FOSL1: variants seen among roughly 807,000 people sequenced by gnomAD.
FOSL1 encodes FOS like 1, AP-1 transcription factor subunit, also known as fos-related antigen 1.
A neutral mutation model predicts 24.9 loss-of-function variants in FOSL1; 14 were observed. The observed-to-expected ratio is 0.56, with a 90% CI of 0.37 to 0.88. The LOEUF is 0.88. FOSL1 is among the 40% of genes least tolerant of loss of function. FOSL1 has a pLI of 0.00. For missense variants in FOSL1, 318 were observed against 359.8 expected (o/e 0.88, Z 0.94); for synonymous variants, 133 against 145.1 (o/e 0.92, Z 0.60).
chr11:65,894,087 CT>C lies in FOSL1; in HGVS notation c.331del (p.Arg111GlyfsTer19). 1 of 1,610,250 alleles carries C rather than the reference CT, an allele frequency of 6.2e-7. No homozygotes were observed. The highest frequency in any genetic ancestry group is 8.5e-7 in the Non-Finnish European group (1 of 1,179,628). On this transcript the variant is annotated frameshift_variant, in exon 3 of 4. Transcript: ENST00000312562. LOFTEE classifies it high-confidence loss of function. ...CGCAGCCAGCTTGTTCCGCTCGCGCCTTACTCGGCGGCGCTCCTCTTCCTCC... is the reference window on the plus strand; with the variant it reads ...CGCAGCCAGCTTGTTCCGCTCGCGCCTACTCGGCGGCGCTCCTCTTCCTCC... Reference protein sequence around the residue: ...SPEEEERRRVRRERNKLAAAK... With the variant: ...SPEEEERRRVXRERNKLAAAK...
In FOSL1 at chr11:65,893,033, T is replaced by C. The variant is rs961887472; in HGVS notation, c.669A>G (p.Thr223=). ...EALHTPTLMT[T]PSLTPFTPSL... ...TGGGGGTGAAAGGAGTTAGGGAGGG[T>C]GTGGTCATGAGTGTGGGGGTGTGCA... The change falls in exon 4 of 4, where the codon ACA becomes ACG. Residue 223 remains threonine (T), a synonymous_variant. Coordinates refer to ENST00000312562, the MANE Select transcript of FOSL1 (RefSeq NM_005438.5). 2.5e-5 allele frequency: 40 copies of C among 1,609,758 alleles called. No homozygotes were observed. Among genetic ancestry groups the C allele is most frequent in the Non-Finnish European group, 3.1e-5 (36 of 1,178,844 alleles).
At chr11:65,900,014 G>C (rs1860632125) in intron 1 of FOSL1, among the ~76,000 whole-genome samples, 1 of 152,244 alleles carries the variant, frequency 6.6e-6, no homozygotes, top group Non-Finnish European at 1.5e-5. Context: ...GGACGCGGAC[G>C]GCGAGGGAGA....
intron 1 of FOSL1, among the ~76,000 whole-genome samples, chr11:65,899,198 G>A (rs1860607361): frequency 6.6e-6 from 1 of 152,164 alleles, no homozygotes; most frequent in Non-Finnish European, 1.5e-5. Context: ...CTGGGCCCTG[G>A]GTGTGGGCGC....
rs1860422244 is a variant in FOSL1 at position 65,892,863 on chromosome 11, G to A, written c.*23C>T. 1.2e-6 allele frequency: 2 copies of A among 1,605,542 alleles called. No individual in the cohort carries two copies. Among genetic ancestry groups the A allele is most frequent in the African/African-American group, 2.7e-5 (2 of 74,802 alleles). ...GGAGACATTGGCTAGGGTGGCATCT[G>A]CAGGGAGTAGGGCTCAGGCGCCTCA... On this transcript the variant is annotated 3_prime_UTR_variant, in exon 4 of 4. Coordinates refer to ENST00000312562, the MANE Select transcript of FOSL1 (RefSeq NM_005438.5).
At chr11:65,893,735 G>A (rs907524977) in intron 3 of FOSL1, among the ~76,000 whole-genome samples, 3 of 151,872 alleles carry the variant, frequency 2.0e-5, no homozygotes, top group African/African-American at 7.3e-5. Flanking sequence ...ATGTCACAGT[G>A]AGCCATGAGC....
At chr11:65,899,897 G>A (rs961759427) in intron 1 of FOSL1, among the ~76,000 whole-genome samples, 2 of 152,204 alleles carry the variant, frequency 1.3e-5, no homozygotes, top group East Asian at 3.8e-4. Flanking sequence ...GACCCTCCTA[G>A]CCTTCGAGGC....
chr11:65,897,619 C>T (rs1040712027), intron 1 of FOSL1, among the ~76,000 whole-genome samples: 15 of 152,142 alleles, frequency 9.9e-5, no homozygotes, highest in East Asian at 1.9e-4. Flanking sequence ...GGATTACAGG[C>T]GTGAACCACA....
chr11:65,895,396 T>C (rs1207348493), intron 2 of FOSL1, among the ~76,000 whole-genome samples: 2 of 152,204 alleles, frequency 1.3e-5, no homozygotes, highest in Admixed American at 1.3e-4. Context: ...AGTGCTGGGA[T>C]TACAGGCGTG....
chr11:65,900,471 T>C, upstream of FOSL1: 2 of 460,260 alleles, frequency 4.3e-6, no homozygotes, highest in Non-Finnish European at 7.1e-6. Context: ...GTGGGGGCGT[T>C]GCAGCGGCGC....
Position 65,892,714 on chromosome 11 carries a change from TG to T in FOSL1, c.*171del. The T allele has an allele frequency of 1.4e-6, 1 of 722,498 alleles. No homozygotes were observed. Among genetic ancestry groups the T allele is most frequent in the Non-Finnish European group, 2.5e-6 (1 of 405,768 alleles). 44.8% of individuals were successfully genotyped at this position (722,498 alleles called of 1,614,324 possible). ...CAAGAGAAACAGTGGGCAGCTTTGG[TG>T]GCCCCAAGCTGGCTCTACTGTGAAG... On this transcript the variant is annotated 3_prime_UTR_variant, in exon 4 of 4. Transcript: ENST00000312562.
rs1591083992 is a variant in FOSL1 at position 65,892,779 on chromosome 11, G to C, written c.*107C>G. On this transcript the variant is annotated 3_prime_UTR_variant, in exon 4 of 4. Coordinates refer to ENST00000312562, the MANE Select transcript of FOSL1 (RefSeq NM_005438.5). ...GTCTCATTAGAGGGATGGAGAAGAAGTTGCTGGAGTTGGATGTGGGATACT... is the reference window on the plus strand; with the variant it reads ...GTCTCATTAGAGGGATGGAGAAGAACTTGCTGGAGTTGGATGTGGGATACT... 2 of 1,079,380 alleles carry C rather than the reference G, an allele frequency of 1.9e-6. No individual in the cohort carries two copies. Among genetic ancestry groups the C allele is most frequent in the East Asian group, 4.8e-5 (2 of 41,706 alleles). 66.9% of individuals were successfully genotyped at this position (1,079,380 alleles called of 1,614,324 possible). A position where few individuals can be genotyped will look rare whatever the true frequency, so the allele number is the denominator to read the frequency against.
chr11:65,894,068 C>CT lies in FOSL1; in HGVS notation c.350_351insA (p.Ala118GlyfsTer21). On this transcript the variant is annotated frameshift_variant, in exon 3 of 4. Coordinates refer to ENST00000312562, the MANE Select transcript of FOSL1 (RefSeq NM_005438.5). LOFTEE classifies it high-confidence loss of function. ...TCCGGTTCCTGCACTTGGCCGCAGCCAGCTTGTTCCGCTCGCGCCTTACTC... is the reference window on the plus strand; with the variant it reads ...TCCGGTTCCTGCACTTGGCCGCAGCCTAGCTTGTTCCGCTCGCGCCTTACTC... 6.2e-7 allele frequency: 1 copy of CT among 1,611,320 alleles called. No homozygotes were observed. Among genetic ancestry groups the CT allele is most frequent in the Non-Finnish European group, 8.5e-7 (1 of 1,179,640 alleles).
intron 1 of FOSL1, 120 bp from the exon 2 acceptor site, chr11:65,897,126 A>G: frequency 1.3e-6 from 1 of 755,568 alleles, no homozygotes; most frequent in South Asian, 1.7e-5. Context: ...GAACAGAAAG[A>G]GCACAGCTTG....
intron 2 of FOSL1, among the ~76,000 whole-genome samples, chr11:65,894,939 G>T (rs940081593): frequency 6.6e-6 from 1 of 151,426 alleles, no homozygotes; most frequent in Non-Finnish European, 1.5e-5. Context: ...TTACAGGCAT[G>T]AGCCACTGTG....
At position 65,894,008 on chromosome 11, in the gene FOSL1, G is replaced by A; in HGVS notation, c.405+6C>T. The A allele has an allele frequency of 6.4e-7, 1 of 1,566,646 alleles. No individual in the cohort carries two copies. Among genetic ancestry groups the A allele is most frequent in the Non-Finnish European group, 8.7e-7 (1 of 1,154,192 alleles). On this transcript the variant is annotated splice_donor_region_variant and intron_variant, in intron 3 of 3. Coordinates refer to ENST00000312562, the MANE Select transcript of FOSL1 (RefSeq NM_005438.5). ...CTGAGCTCGGTGGACCAGGGCTGGT[G>A]CTCACCGCCTGCAGGAAGTCGGTCA...
chr11:65,892,990 G>A lies in FOSL1; in HGVS notation c.712C>T (p.Pro238Ser). 1 of 1,612,828 alleles carries A rather than the reference G, an allele frequency of 6.2e-7. No individual in the cohort carries two copies. The highest frequency in any genetic ancestry group is 8.5e-7 in the Non-Finnish European group (1 of 1,179,978). Residue 238 changes from proline to serine, a missense_variant, in exon 4 of 4, where the codon CCC (proline) becomes TCC (serine). By Grantham distance (74) the Pro-to-Ser change is moderately conservative. Coordinates refer to ENST00000312562, the MANE Select transcript of FOSL1 (RefSeq NM_005438.5). ...GAGGCACAAGGCTCAGGAGTGCTGG[G>A]GTAGGTGAAGACCAGGCTGGGGGTG... ...PFTPSLVFTY[P>S]STPEPCASAH... is the part of the protein sequence containing the mutation.
At chr11:65,897,953 C>A (rs1364009396) in intron 1 of FOSL1, among the ~76,000 whole-genome samples, 2 of 147,980 alleles carry the variant, frequency 1.4e-5, no homozygotes, top group Admixed American at 6.8e-5. Context: ...CAGTGACCTG[C>A]GGGCTCAAGC....
intron 2 of FOSL1, among the ~76,000 whole-genome samples, chr11:65,895,770 AC>A (rs1860511523): frequency 6.6e-6 from 1 of 151,868 alleles, no homozygotes; most frequent in African/African-American, 2.4e-5. Flanking sequence ...CTGATCTCTC[AC>A]CTTTCCCAGG....
chr11:65,896,875 T>TGTGGGGGGC lies in FOSL1; in HGVS notation c.230_231insGCCCCCCAC (p.Pro78_Arg79insProThrPro). The TGTGGGGGGC allele has an allele frequency of 2.5e-6, 4 of 1,613,376 alleles. No homozygotes were observed. Among genetic ancestry groups the TGTGGGGGGC allele is most frequent in the Non-Finnish European group, 3.4e-6 (4 of 1,179,726 alleles). ...GGGCCCGGATGACTCCTGGCCGGGGTTGTGGGGGGCTGTACTGAGGGTAGG... is the reference window on the plus strand; with the variant it reads ...GGGCCCGGATGACTCCTGGCCGGGGTGTGGGGGGCTGTGGGGGGCTGTACTGAGGGTAGG... On this transcript the variant is annotated inframe_insertion, in exon 2 of 4. Coordinates refer to ENST00000312562, the MANE Select transcript of FOSL1 (RefSeq NM_005438.5).
Sources: gnomAD v4.1 joint callset for allele counts (sites outside exome capture counted in the v4.1 genomes callset) on GRCh38, gnomAD v4.1.1 for gene constraint, MANE v1.5 for transcripts, NCBI Gene and HGNC (gene_info 2026-07-23, HGNC 2026-07-21) for gene names.